WWTR1: variants seen among roughly 807,000 people sequenced by gnomAD.
The protein encoded by WWTR1 is WW domain containing transcription regulator 1, also known as WW domain-containing transcription regulator protein 1.
WWTR1 carries 13 observed loss-of-function variants against 40.1 expected under a neutral mutation model. The ratio of observed to expected loss-of-function variants is 0.32; its 90% CI spans 0.21 to 0.52. The LOEUF (loss-of-function observed/expected upper bound fraction) is 0.52, where lower values mean the gene tolerates loss of function less well. Among genes scored for constraint, WWTR1 ranks in the 20% least tolerant of loss-of-function variants. The probability of loss-of-function intolerance (pLI) is 0.97; values close to 1 mark genes in which losing one functional copy is unlikely to be tolerated. For synonymous variants in WWTR1, 230 were observed against 210.1 expected (o/e 1.09, Z -0.82); for missense variants, 436 against 523.1 (o/e 0.83, Z 1.63).
chr3:149,680,106 G>A (rs66498012), intron 1 of WWTR1, among the ~76,000 whole-genome samples: 44,100 of 152,062 alleles, frequency 0.29, 6,625 homozygotes, highest in Admixed American at 0.38. Context: ...TACTGTCCAA[G>A]AGAGGTACTT....
At chr3:149,700,895 A>G (rs1274097823) in intron 1 of WWTR1, among the ~76,000 whole-genome samples, 2 of 152,218 alleles carry the variant, frequency 1.3e-5, no homozygotes, top group Non-Finnish European at 2.9e-5. Context: ...TAACAAGCCC[A>G]ATACAACTGG....
intron 5 of WWTR1, among the ~76,000 whole-genome samples, chr3:149,714,684 C>A (rs1000411028): frequency 3.9e-5 from 6 of 152,216 alleles, no homozygotes; most frequent in Admixed American, 1.3e-4. Context: ...GGCTCCTGGG[C>A]AGAATGGGGT....
At chr3:149,567,348 T>C (rs1737380890) in intron 3 of WWTR1, among the ~76,000 whole-genome samples, 1 of 152,228 alleles carries the variant, frequency 6.6e-6, no homozygotes. Context: ...GAAAATGTTC[T>C]TCACTTAGAA....
intron 3 of WWTR1, among the ~76,000 whole-genome samples, chr3:149,560,966 G>T (rs892614613): frequency 1.4e-5 from 2 of 140,580 alleles, no homozygotes; most frequent in Non-Finnish European, 3.2e-5. Context: ...ACCCCCCCCC[G>T]CAAAAAATCC....
intron 2 of WWTR1, among the ~76,000 whole-genome samples, chr3:149,592,454 T>C (rs1738775272): frequency 6.6e-6 from 1 of 152,140 alleles, no homozygotes; most frequent in Non-Finnish European, 1.5e-5. Flanking sequence ...CTACAGGCGT[T>C]CCTATCCAAA....
At chr3:149,711,511 A>G (rs1715477675) in intron 5 of WWTR1, among the ~76,000 whole-genome samples, 1 of 152,186 alleles carries the variant, frequency 6.6e-6, no homozygotes. Flanking sequence ...ATAAAGAACA[A>G]TCTAGCCAGC....
intron 4 of WWTR1, chr3:149,540,339 GA>G (rs1450803116): frequency 2.2e-6 from 1 of 451,522 alleles, no homozygotes; most frequent in African/African-American, 2.0e-5. Context: ...CCTACAGCTG[GA>G]ATAAAGGAAA....
chr3:149,719,695 C>T (rs1715711178), intron 4 of WWTR1, among the ~76,000 whole-genome samples: 1 of 152,188 alleles, frequency 6.6e-6, no homozygotes, highest in African/African-American at 2.4e-5. Context: ...CACCATACTG[C>T]TTTCCACAGT....
At position 149,648,831 on chromosome 3, in the gene WWTR1, C is replaced by T. The variant is rs72615636; in HGVS notation, c.431+8045G>A. On this transcript the variant is annotated intron_variant, in intron 2 of 6. Transcript: ENST00000360632. ...GCAGCTGATCCAGGCTCTAGGACCA[C>T]AGGTCGAAACCAGCTCTTTGGCCTG... Among the ~76,000 whole-genome samples the T allele has an allele frequency of 9.6e-3, 1,464 of 152,290 alleles. 15 individuals carry two copies. The highest frequency in any genetic ancestry group is 0.037 in the East Asian group (190 of 5,178).
At chr3:149,644,076 A>G (rs1712345794) in intron 2 of WWTR1, among the ~76,000 whole-genome samples, 1 of 152,118 alleles carries the variant, frequency 6.6e-6, no homozygotes, top group Non-Finnish European at 1.5e-5. Flanking sequence ...TTCAAACTCA[A>G]TATGTTAAAT....
intron 3 of WWTR1, among the ~76,000 whole-genome samples, chr3:149,569,375 T>A (rs73155011): frequency 8.5e-5 from 13 of 152,344 alleles, no homozygotes; most frequent in Non-Finnish European, 1.8e-4. Flanking sequence ...ATCATAGTTC[T>A]AAGCACTTTG....
chr3:149,681,254 T>C (rs778558494), intron 1 of WWTR1, among the ~76,000 whole-genome samples: 5 of 152,222 alleles, frequency 3.3e-5, no homozygotes, highest in Non-Finnish European at 7.3e-5. Context: ...AGAACCTCCA[T>C]GCTGTTTTCC....
At chr3:149,621,844 T>C (rs536511662) in intron 2 of WWTR1, among the ~76,000 whole-genome samples, 1 of 152,338 alleles carries the variant, frequency 6.6e-6, no homozygotes, top group South Asian at 2.1e-4. Context: ...TGTTTCAACA[T>C]GTTGTTGGCA....
intron 1 of WWTR1, among the ~76,000 whole-genome samples, chr3:149,691,256 A>G (rs12495084): frequency 0.67 from 102,027 of 151,698 alleles, 34,493 homozygotes; most frequent in Middle Eastern, 0.73. Context: ...GCATCTTAAA[A>G]AACCAGAAAG....
At chr3:149,586,173 C>T (rs1243729004) in intron 2 of WWTR1, among the ~76,000 whole-genome samples, 3 of 152,040 alleles carry the variant, frequency 2.0e-5, no homozygotes, top group East Asian at 1.9e-4. Context: ...TCTATTTGTG[C>T]GTATATAACT....
Position 149,520,941 on chromosome 3 carries a change from C to A in WWTR1, c.1067G>T (p.Arg356Leu). 6.2e-7 allele frequency: 1 copy of A among 1,612,930 alleles called. No homozygotes were observed. The highest frequency in any genetic ancestry group is 8.5e-7 in the Non-Finnish European group (1 of 1,179,542). ...TPMNINPQQTRFPDFLDCLPG... is the reference protein window; with the variant it reads ...TPMNINPQQTLFPDFLDCLPG... ...AAGACAGTCAAGGAAATCAGGGAAA[C>A]GGGTCTGTTGGGGATTGATGTTCAT... The change falls in exon 7 of 7, where the codon CGT (arginine) becomes CTT (leucine). Residue 356 changes from arginine (R) to leucine (L), a missense_variant. Coordinates refer to ENST00000360632, the MANE Select transcript of WWTR1 (RefSeq NM_015472.6).
intron 2 of WWTR1, among the ~76,000 whole-genome samples, chr3:149,665,471 C>T (rs139893289): frequency 0.014 from 2,102 of 151,956 alleles, 33 homozygotes; most frequent in East Asian, 0.063. Context: ...ATGATCTGCC[C>T]GCCTCAGCCT....
intron 3 of WWTR1, among the ~76,000 whole-genome samples, chr3:149,564,321 A>T (rs1362251090): frequency 6.6e-6 from 1 of 152,162 alleles, no homozygotes; most frequent in African/African-American, 2.4e-5. Context: ...CTGATCTTAG[A>T]GACTAGTGAA....
At chr3:149,667,619 C>T (rs940154430) in intron 2 of WWTR1, among the ~76,000 whole-genome samples, 1 of 152,062 alleles carries the variant, frequency 6.6e-6, no homozygotes, top group African/African-American at 2.4e-5. Context: ...CCACTATGCT[C>T]CAAATTCGTG....
Sources: allele counts gnomAD v4.1 joint callset (sites outside exome capture counted in the v4.1 genomes callset), GRCh38; gene constraint gnomAD v4.1.1; transcripts MANE v1.5; gene names NCBI Gene and HGNC (gene_info 2026-07-23, HGNC 2026-07-21).